The following ELAVL3 variants were observed in gnomAD, a reference collection of about 807,000 sequenced individuals.
ELAVL3 encodes ELAV like RNA binding protein 3, also known as ELAV-like protein 3.
A neutral mutation model predicts 34.2 loss-of-function variants in ELAVL3; 8 were observed. The ratio of observed to expected loss-of-function variants is 0.23; its 90% CI spans 0.14 to 0.42. The LOEUF (loss-of-function observed/expected upper bound fraction) is 0.42. ELAVL3 is among the 10% of genes least tolerant of loss of function. ELAVL3 has a pLI of 1.00. For synonymous variants in ELAVL3, 209 were observed against 222.1 expected (o/e 0.94, Z 0.53); for missense variants, 273 against 518.8 (o/e 0.53, Z 4.60).
At chr19:11,459,582 AT>A (rs144024980) in intron 3 of ELAVL3, among the ~76,000 whole-genome samples, 11 of 145,940 alleles carry the variant, frequency 7.5e-5, no homozygotes, top group African/African-American at 1.3e-4. Flanking sequence ...TAATCTTTAA[AT>A]TTTTTTTTTT....
At chr19:11,475,179 G>A (rs1971240334) in intron 1 of ELAVL3, among the ~76,000 whole-genome samples, 1 of 152,174 alleles carries the variant, frequency 6.6e-6, no homozygotes, top group Non-Finnish European at 1.5e-5. Flanking sequence ...CTGTGTGCCA[G>A]GCACTGTGGG....
At chr19:11,473,147 C>T (rs11672500) in intron 1 of ELAVL3, among the ~76,000 whole-genome samples, 28,977 of 151,674 alleles carry the variant, frequency 0.19, 3,422 homozygotes, top group Non-Finnish European at 0.25. Context: ...GTGTGGATCA[C>T]GAGATCAGGA....
intron 1 of ELAVL3, among the ~76,000 whole-genome samples, chr19:11,473,194 T>C (rs1204542061): frequency 3.3e-5 from 5 of 151,810 alleles, no homozygotes; most frequent in African/African-American, 4.8e-5. Context: ...CGAAACTCCG[T>C]CTTTACTAAA....
At chr19:11,455,296 CTAAT>C (rs1255634314) in intron 6 of ELAVL3, among the ~76,000 whole-genome samples, 1 of 141,300 alleles carries the variant, frequency 7.1e-6, no homozygotes, top group African/African-American at 2.8e-5. Context: ...CTATGCCCCA[CTAAT>C]TTTTTTTTTT....
chr19:11,478,401 G>T (rs1279711540), intron 1 of ELAVL3, among the ~76,000 whole-genome samples: 2 of 152,134 alleles, frequency 1.3e-5, no homozygotes, highest in Non-Finnish European at 2.9e-5. Flanking sequence ...GGATCAGATT[G>T]ATGGAAGCCA....
rs527382080 is a variant in ELAVL3, at chr19:11,457,993, G to T, written c.713+68C>A. 6 of 1,506,556 alleles carry T rather than the reference G, an allele frequency of 4.0e-6. No individual in the cohort carries two copies. The African/African-American group carries it at 8.2e-5, about 21-fold the overall frequency. The allele number at this position is 1,506,556 out of a possible 1,614,324, so 93.3% of individuals were successfully genotyped here. A position where few individuals can be genotyped will look rare whatever the true frequency, so the allele number is the denominator to read the frequency against. ...CGGCATCCCTCCCTTCGGCAGGAAT[G>T]GGGTTCAGGGAGGGTTGCAAGCTTG... is the stretch of plus-strand genomic sequence containing the variant. On this transcript the variant is annotated intron_variant, in intron 5 of 6. Transcript: ENST00000359227.
intron 1 of ELAVL3, among the ~76,000 whole-genome samples, chr19:11,476,145 G>T (rs374541036): frequency 6.6e-6 from 1 of 152,094 alleles, no homozygotes; most frequent in Non-Finnish European, 1.5e-5. Flanking sequence ...TTAACTGATC[G>T]CGTAACCATG....
intron 1 of ELAVL3, among the ~76,000 whole-genome samples, chr19:11,472,805 C>T (rs1971190969): frequency 6.6e-6 from 1 of 152,146 alleles, no homozygotes; most frequent in Admixed American, 6.6e-5. Context: ...TGGCTCACGC[C>T]TGTAATCTCA....
intron 3 of ELAVL3, among the ~76,000 whole-genome samples, chr19:11,459,580 A>AC (rs1327388011): frequency 6.9e-6 from 1 of 145,722 alleles, no homozygotes; most frequent in Non-Finnish European, 1.5e-5. Flanking sequence ...GCTAATCTTT[A>AC]AATTTTTTTT....
chr19:11,457,500 G>T (rs1458322370), intron 5 of ELAVL3, among the ~76,000 whole-genome samples: 3 of 152,192 alleles, frequency 2.0e-5, no homozygotes, highest in Non-Finnish European at 4.4e-5. Flanking sequence ...AGCACTTGAG[G>T]GGGTGGGTAA....
intron 1 of ELAVL3, among the ~76,000 whole-genome samples, chr19:11,475,029 C>T (rs750107260): frequency 6.6e-6 from 1 of 151,988 alleles, no homozygotes; most frequent in Admixed American, 6.6e-5. Context: ...GGGGTTTCAC[C>T]GTTAGCCAGG....
At chr19:11,463,808 A>T (rs1219796934) in intron 3 of ELAVL3, among the ~76,000 whole-genome samples, 2 of 151,938 alleles carry the variant, frequency 1.3e-5, no homozygotes, top group Admixed American at 6.6e-5. Flanking sequence ...TGTCTTTACT[A>T]AAAATACAAA....
rs529224566 is a variant in ELAVL3, at chr19:11,466,883, G to A, written c.10-56C>T. On this transcript the variant is annotated intron_variant, in intron 1 of 6. Transcript: ENST00000359227. The surrounding 1 kb of genome is among the most constrained non-coding windows in gnomAD (Gnocchi z 5.0). Reference sequence around the variant, plus strand: ...CCCAGTCCCCACACCAGGGGCCTGCGGCAATGAGTGGCTTGGTGGTGATGA... The same window carrying A: ...CCCAGTCCCCACACCAGGGGCCTGCAGCAATGAGTGGCTTGGTGGTGATGA... 1.4e-5 allele frequency: 20 copies of A among 1,444,326 alleles called. 1 individual carries two copies. The Admixed American group carries it at 1.4e-4, about 10-fold the overall frequency. 89.5% of individuals were successfully genotyped at this position (1,444,326 alleles called of 1,614,324 possible).
At chr19:11,475,374 T>G (rs1349451677) in intron 1 of ELAVL3, among the ~76,000 whole-genome samples, 2 of 152,190 alleles carry the variant, frequency 1.3e-5, no homozygotes, top group Non-Finnish European at 2.9e-5. Context: ...CTCGCTATGT[T>G]GCCCAGGCTG....
In ELAVL3 at chr19:11,453,961, T is replaced by C. The variant is rs1367584042; in HGVS notation, c.*565A>G. The C allele has an allele frequency of 1.3e-5, 2 of 152,084 alleles. No individual in the cohort carries two copies. The highest frequency in any genetic ancestry group is 1.9e-4 in the East Asian group (1 of 5,160). 9.4% of individuals were successfully genotyped at this position (152,084 alleles called of 1,614,324 possible). On this transcript the variant is annotated 3_prime_UTR_variant, in exon 7 of 7. Coordinates refer to ENST00000359227, the MANE Select transcript of ELAVL3 (RefSeq NM_001420.4). ...TTTTCTTCCCCTCCCACCCCCCTTT[T>C]TTTTTCATTTTGTTTCTGCTTCCAG...
intron 3 of ELAVL3, among the ~76,000 whole-genome samples, chr19:11,465,351 C>T (rs540626820): frequency 0.087 from 13,066 of 150,850 alleles, 818 homozygotes; most frequent in African/African-American, 0.17. Flanking sequence ...CACATGCGTA[C>T]ACACACACAT....
At chr19:11,474,993 T>A (rs1481187828) in intron 1 of ELAVL3, among the ~76,000 whole-genome samples, 1 of 152,064 alleles carries the variant, frequency 6.6e-6, no homozygotes, top group African/African-American at 2.4e-5. Flanking sequence ...CACGCCTGGC[T>A]AATTTTTTGT....
intron 1 of ELAVL3, among the ~76,000 whole-genome samples, chr19:11,470,045 A>C (rs1319258090): frequency 2.0e-5 from 3 of 151,994 alleles, no homozygotes; most frequent in South Asian, 2.1e-4. Flanking sequence ...CGACCGAGTG[A>C]GACCCTGTCT....
intron 1 of ELAVL3, among the ~76,000 whole-genome samples, chr19:11,470,504 T>C (rs1008121834): frequency 5.0e-5 from 7 of 140,142 alleles, no homozygotes; most frequent in African/African-American, 8.3e-5. Context: ...CGTTTGCTAC[T>C]AGAAATACAA....
Sources: allele counts gnomAD v4.1 joint callset (sites outside exome capture counted in the v4.1 genomes callset), GRCh38; gene constraint gnomAD v4.1.1; non-coding constraint Gnocchi (gnomAD v3.1); transcripts MANE v1.5; gene names NCBI Gene and HGNC (gene_info 2026-07-23, HGNC 2026-07-21).